Variants in IGFL2 observed in about 807,000 individuals in gnomAD.
IGFL2 encodes insulin growth factor-like family member 2.
IGFL2 carries 7 observed loss-of-function variants against 13.9 expected under a neutral mutation model. That is an observed-to-expected ratio of 0.51 (90% CI 0.29 to 0.95). IGFL2 has a LOEUF of 0.95. Among genes scored for constraint, IGFL2 ranks in the 40% least tolerant of loss-of-function variants. The pLI, the probability that IGFL2 is intolerant of heterozygous loss-of-function variation, is 0.08. For synonymous variants in IGFL2, 55 were observed against 55.8 expected (o/e 0.99, Z 0.07); for missense variants, 138 against 147.8 (o/e 0.93, Z 0.34).
At chr19:46,152,624 A>G (rs1973565544) in intron 1 of IGFL2, among the ~76,000 whole-genome samples, 1 of 152,226 alleles carries the variant, frequency 6.6e-6, no homozygotes, top group African/African-American at 2.4e-5. Context: ...ATTTGCAAAT[A>G]GAAATCATTT....
At chr19:46,097,208 A>C in the IGFL2 span, among the ~76,000 whole-genome samples, 8 of 152,334 alleles carry the variant, frequency 5.3e-5, no homozygotes, top group Non-Finnish European at 1.0e-4. Context: ...TTAGTGGTCT[A>C]TACAGAGATT....
the IGFL2 span, chr19:46,209,333 A>C: frequency 1.3e-5 from 2 of 152,230 alleles, no homozygotes; most frequent in African/African-American, 2.4e-5. Flanking sequence ...GGGCTTCCGC[A>C]TGGAGCTGCT....
rs781381961 is a variant in IGFL2 at position 46,160,642 on chromosome 19, CCA to C, written c.103_104del (p.Gln35AlafsTer20). On this transcript the variant is annotated frameshift_variant, in exon 3 of 4. Coordinates refer to ENST00000377693, the MANE Select transcript of IGFL2 (RefSeq NM_001135113.2). LOFTEE classifies it high-confidence loss of function. ...CCGCTGGCTCAGAACCATGGCTGTG[CCA>C]GCCGGCACCCAGGTGTGGAGACAAG... ...APAGSEPWLCQPAPRCGDKIY... is the reference protein window; with the variant it reads ...APAGSEPWLCXPAPRCGDKIY... The C allele has an allele frequency of 6.2e-7, 1 of 1,614,166 alleles. No homozygotes were observed. Among genetic ancestry groups the C allele is most frequent in the Non-Finnish European group, 8.5e-7 (1 of 1,180,018 alleles).
chr19:46,148,308 C>T lies in IGFL2; in HGVS notation c.19+11C>T, dbSNP rs370477992. 9.0e-6 allele frequency: 14 copies of T among 1,550,826 alleles called. No individual in the cohort carries two copies. Among genetic ancestry groups the T allele is most frequent in the Non-Finnish European group, 1.2e-5 (14 of 1,146,326 alleles). On this transcript the variant is annotated intron_variant, in intron 1 of 3. Transcript: ENST00000377693. ...TGCCCAGAATCTTCGGTAAGGTAAC[C>T]CTTGCCCCAGGTTGAGCTAATGCCT...
At chr19:46,123,515 A>C in the IGFL2 span, among the ~76,000 whole-genome samples, 1 of 150,836 alleles carries the variant, frequency 6.6e-6, no homozygotes, top group South Asian at 2.1e-4. Context: ...CTGCATATAC[A>C]TATACTGTAT....
At chr19:46,163,801 G>A (rs1974269335), downstream of IGFL2, 1 of 152,370 alleles carries the variant, frequency 6.6e-6, no homozygotes, top group African/African-American at 2.4e-5. Flanking sequence ...TTTCTGTAGG[G>A]CTGCTGTGGT....
At chr19:46,114,805 T>C in the IGFL2 span, among the ~76,000 whole-genome samples, 1 of 152,206 alleles carries the variant, frequency 6.6e-6, no homozygotes, top group Non-Finnish European at 1.5e-5. Context: ...CTTTATAAAT[T>C]ACCCAGTCTC....
At chr19:46,211,294 C>T in the IGFL2 span, among the ~76,000 whole-genome samples, 49 of 152,294 alleles carry the variant, frequency 3.2e-4, 1 homozygote, top group African/African-American at 1.0e-3. Context: ...TTCTGAAATC[C>T]CAACATAGTG....
upstream of IGFL2, among the ~76,000 whole-genome samples, chr19:46,138,466 T>A (rs1339033788): frequency 2.0e-5 from 3 of 152,160 alleles, no homozygotes; most frequent in African/African-American, 7.2e-5. Flanking sequence ...AAGTGCTTCA[T>A]CTGGGTCACA....
At chr19:46,113,630 C>A in the IGFL2 span, 1 of 255,808 alleles carries the variant, frequency 3.9e-6, no homozygotes, top group South Asian at 5.4e-5. Flanking sequence ...AGAGAGCTTT[C>A]TGGGAGCTGT....
At chr19:46,090,958 A>G in the IGFL2 span, among the ~76,000 whole-genome samples, 19 of 152,178 alleles carry the variant, frequency 1.2e-4, no homozygotes, top group Non-Finnish European at 2.6e-4. Flanking sequence ...CCAAGCAGAC[A>G]GTATGTATCT....
the IGFL2 span, among the ~76,000 whole-genome samples, chr19:46,100,008 A>G: frequency 1.3e-5 from 2 of 152,048 alleles, no homozygotes; most frequent in Non-Finnish European, 2.9e-5. Flanking sequence ...TGGTTATTCT[A>G]GTTAGCAGCT....
chr19:46,121,246 G>C, the IGFL2 span, among the ~76,000 whole-genome samples: 2 of 148,646 alleles, frequency 1.3e-5, no homozygotes, highest in African/African-American at 5.0e-5. Flanking sequence ...AAGTTAGCCA[G>C]ATGTGGTGGC....
At chr19:46,163,081 T>G (rs1974237356), downstream of IGFL2, among the ~76,000 whole-genome samples, 1 of 152,232 alleles carries the variant, frequency 6.6e-6, no homozygotes. Context: ...GTATTATTTA[T>G]GTTGACGCTT....
the IGFL2 span, among the ~76,000 whole-genome samples, chr19:46,182,945 T>A: frequency 7.2e-5 from 11 of 152,040 alleles, no homozygotes; most frequent in African/African-American, 2.7e-4. Flanking sequence ...CTCCTCATAC[T>A]CTTCTCAATG....
At chr19:46,165,745 A>AAT (rs1974371504), downstream of IGFL2, among the ~76,000 whole-genome samples, 1 of 152,226 alleles carries the variant, frequency 6.6e-6, no homozygotes, top group Non-Finnish European at 1.5e-5. Flanking sequence ...CCATCCACTG[A>AAT]TAGTATCTGG....
chr19:46,135,642 T>C, the IGFL2 span, among the ~76,000 whole-genome samples: 1 of 152,212 alleles, frequency 6.6e-6, no homozygotes, highest in Non-Finnish European at 1.5e-5. Context: ...GAATAGCAAG[T>C]TGACCTCCAT....
the IGFL2 span, among the ~76,000 whole-genome samples, chr19:46,173,278 G>GC: frequency 6.6e-6 from 1 of 152,158 alleles, no homozygotes; most frequent in Non-Finnish European, 1.5e-5. Flanking sequence ...CCTATATGGA[G>GC]CCCAGAAGGT....
At chr19:46,125,791 C>T in the IGFL2 span, among the ~76,000 whole-genome samples, 4 of 152,168 alleles carry the variant, frequency 2.6e-5, no homozygotes, top group South Asian at 8.3e-4. Context: ...TCCTAGTGAG[C>T]CCAGGCTGTC....
Sources: gnomAD v4.1 joint callset for allele counts (sites outside exome capture counted in the v4.1 genomes callset) on GRCh38, gnomAD v4.1.1 for gene constraint, MANE v1.5 for transcripts, NCBI Gene and HGNC (gene_info 2026-07-23, HGNC 2026-07-21) for gene names.